The following EVI2A variants were observed in gnomAD, a reference collection of about 807,000 sequenced individuals.
EVI2A encodes protein EVI2A.
EVI2A carries 11 observed loss-of-function variants against 13.0 expected under a neutral mutation model. The observed-to-expected ratio is 0.85, with a 90% confidence interval of 0.53 to 1.40. The LOEUF (loss-of-function observed/expected upper bound fraction) is 1.40. Ranked by LOEUF, EVI2A falls within the 40% of genes most tolerant of loss-of-function variation. The pLI, the probability that EVI2A is intolerant of heterozygous loss-of-function variation, is 0.00. For missense variants in EVI2A, 267 were observed against 279.5 expected, an observed-to-expected ratio of 0.96 and a Z score of 0.32; for synonymous variants, 89 against 98.0, an observed-to-expected ratio of 0.91 and a Z score of 0.54.
chr17:31,320,241 ACTAT>A, intron 1 of EVI2A: 1 of 664,790 alleles, frequency 1.5e-6, no homozygotes, highest in Non-Finnish European at 2.3e-6. Flanking sequence ...TAAAAGCAAA[ACTAT>A]ATTGTTCTCC....
chr17:31,318,621 G>A lies in EVI2A; in HGVS notation c.393C>T (p.Asn131=). 2 of 1,614,080 alleles carry A rather than the reference G, an allele frequency of 1.2e-6. No homozygotes were observed. The highest frequency in any genetic ancestry group is 1.7e-6 in the Non-Finnish European group (2 of 1,179,980). Residue 131 remains asparagine, a synonymous_variant, in exon 2 of 2, where the codon AAC becomes AAT. Coordinates refer to ENST00000462804, the MANE Select transcript of EVI2A (RefSeq NM_014210.4). ...TTAAGCAAATTAGCATAGCCATGTT[G>A]TTGTTGTTTTCCGCACAGACATCCT... ...FKKDVCAENN[N]NMAMLICLII... is the part of the protein sequence containing the mutation.
chr17:31,320,680 T>C (rs1394260869), intron 1 of EVI2A, among the ~76,000 whole-genome samples: 1 of 152,182 alleles, frequency 6.6e-6, no homozygotes, highest in Non-Finnish European at 1.5e-5. Flanking sequence ...GATTATGACC[T>C]TTAGTAGACA....
chr17:31,318,446 G>T lies in EVI2A; in HGVS notation c.568C>A (p.Pro190Thr). ...NGDFLASGLWPAESDTWKRTK... is the reference protein window; with the variant it reads ...NGDFLASGLWTAESDTWKRTK... ...CTTTTCCAAGTGTCTGATTCAGCGG[G>T]CCATAGACCGCTTGCCAGAAAATCG... Residue 190 changes from proline (P) to threonine (T), a missense_variant, in exon 2 of 2, where the codon CCC becomes ACC. Pro to Thr is a conservative substitution (Grantham distance 38). Transcript: ENST00000462804. The T allele has an allele frequency of 6.2e-7, 1 of 1,613,986 alleles. No homozygotes were observed. Among genetic ancestry groups the T allele is most frequent in the South Asian group, 1.1e-5 (1 of 91,080 alleles).
intron 1 of EVI2A, chr17:31,320,295 C>T (rs1378144281): frequency 2.9e-5 from 35 of 1,201,032 alleles, no homozygotes; most frequent in African/African-American, 6.2e-5. Context: ...AAGAACCCTA[C>T]GTATGCTATA....
At position 31,317,403 on chromosome 17, in the gene EVI2A, A is replaced by ACACACC. The variant is rs571315603; in HGVS notation, c.*899_*900insGGTGTG. 2.9e-3 allele frequency among the ~76,000 whole-genome samples: 423 copies of ACACACC among 147,278 alleles called. 3 individuals are homozygous for ACACACC. Among genetic ancestry groups the ACACACC allele is most frequent in the African/African-American group, 0.01 (402 of 38,630 alleles). ...CACACACACACACACACACACACAC[A>ACACACC]CCCCTAATAAATCATTAGGCTACTT... On this transcript the variant is annotated 3_prime_UTR_variant, in exon 2 of 2. Transcript: ENST00000462804.
Position 31,318,480 on chromosome 17 carries a change from T to C in EVI2A, c.534A>G (p.Arg178=). ...RSKQVGKRQP[R]SNGDFLASGL... ...CGCTTGCCAGAAAATCGCCATTGCT[T>C]CTAGGCTGACGCTTGCCTACTTGTT... Residue 178 remains arginine, a synonymous_variant, in exon 2 of 2, where the codon AGA becomes AGG. Coordinates refer to ENST00000462804, the MANE Select transcript of EVI2A (RefSeq NM_014210.4). 6.2e-7 allele frequency: 1 copy of C among 1,614,058 alleles called. No homozygotes were observed. The highest frequency in any genetic ancestry group is 1.3e-5 in the African/African-American group (1 of 75,046).
At position 31,318,809 on chromosome 17, in the gene EVI2A, C is replaced by G. The variant is rs1446196064; in HGVS notation, c.205G>C (p.Asp69His). Reference sequence around the variant, plus strand: ...ATGTTTGTAGAATTACCTTTATAATCTACTTCAGGAGTTATAGGGTTTGTG... The same window carrying G: ...ATGTTTGTAGAATTACCTTTATAATGTACTTCAGGAGTTATAGGGTTTGTG... ...INTNPITPEV[D>H]YKGNSTNMPE... Residue 69 changes from aspartate to histidine, a missense_variant, in exon 2 of 2, where the codon GAT (aspartate) becomes CAT (histidine). Transcript: ENST00000462804. 6.2e-7 allele frequency: 1 copy of G among 1,613,942 alleles called. No individual in the cohort carries two copies. The highest frequency in any genetic ancestry group is 8.5e-7 in the Non-Finnish European group (1 of 1,179,936).
chr17:31,320,415 C>G, intron 1 of EVI2A: 1 of 1,609,614 alleles, frequency 6.2e-7, no homozygotes, highest in South Asian at 1.1e-5. Flanking sequence ...GTTTCCAAAC[C>G]AACTCCTAAG....
At chr17:31,320,368 C>A in intron 1 of EVI2A, 1 of 1,549,626 alleles carries the variant, frequency 6.5e-7, no homozygotes. Flanking sequence ...AAGGCAGATT[C>A]TTACCTAGCT....
At position 31,318,013 on chromosome 17, in the gene EVI2A, T is replaced by G. The variant is rs1000922625; in HGVS notation, c.*290A>C. 1.8e-5 allele frequency: 6 copies of G among 325,938 alleles called. No homozygotes were observed. Among genetic ancestry groups the G allele is most frequent in the Non-Finnish European group, 2.8e-5 (5 of 178,450 alleles). 20.2% of individuals were successfully genotyped at this position (325,938 alleles called of 1,614,324 possible). ...TGCTACATAGGGAATATTTATTTAA[T>G]TATCCCTTGCTATCTCTATTAATCA... On this transcript the variant is annotated 3_prime_UTR_variant, in exon 2 of 2. Coordinates refer to ENST00000462804, the MANE Select transcript of EVI2A (RefSeq NM_014210.4).
At chr17:31,320,636 CTA>C (rs919579817) in intron 1 of EVI2A, 45 of 449,442 alleles carry the variant, frequency 1.0e-4, no homozygotes, top group African/African-American at 8.0e-4. Context: ...GGAGGAAAAA[CTA>C]TTAAATATTC....
In EVI2A at chr17:31,318,317, TGTTA is replaced by T. The variant is rs781617241; in HGVS notation, c.693_696del (p.Lys233ArgfsTer2). ...ATTTTTCTTCACTAACCTATCTGTT[TGTTA>T]GTAAGTTTTTCAGTTCCTTCTTCAT... is the stretch of plus-strand genomic sequence containing the variant. On this transcript the variant is annotated frameshift_variant, in exon 2 of 2. Transcript: ENST00000462804. LOFTEE classifies it high-confidence loss of function. 3.7e-5 allele frequency: 59 copies of T among 1,608,076 alleles called. No homozygotes were observed. Among genetic ancestry groups the T allele is most frequent in the Non-Finnish European group, 4.8e-5 (57 of 1,178,234 alleles).
chr17:31,320,474 A>G (rs752736007), intron 1 of EVI2A: 14 of 1,565,374 alleles, frequency 8.9e-6, no homozygotes, highest in Non-Finnish European at 1.2e-5. Flanking sequence ...AAGGTTTTAT[A>G]AGAAATGGTT....
chr17:31,320,464 A>T, intron 1 of EVI2A: 1 of 1,586,988 alleles, frequency 6.3e-7, no homozygotes, highest in Non-Finnish European at 8.6e-7. Flanking sequence ...TTTGAACATC[A>T]AGGTTTTATA....
rs374087978 is a variant in EVI2A, at chr17:31,318,866, T to G, written c.148A>C (p.Lys50Gln). ...TTTTCATTTTGGTTTCTGCCTGTCT[T>G]GTTTTGAATAACTGAATCCCAGGAA... ...TSSWDSVIQN[K>Q]TGRNQNENIN... Residue 50 changes from lysine (K) to glutamine (Q), a missense_variant, in exon 2 of 2, where the codon AAG becomes CAG. By Grantham distance (53) the Lys-to-Gln change is moderately conservative. Transcript: ENST00000462804. 4.3e-6 allele frequency: 7 copies of G among 1,613,978 alleles called. No individual in the cohort carries two copies. The African/African-American group carries it at 8.0e-5, about 18-fold the overall frequency.
rs1408803516 is a variant in EVI2A at position 31,317,112 on chromosome 17, TA to T, written c.*1190del. Reference sequence around the variant, plus strand: ...GTAGTCATACTTGGGAAAAAACATATAAAAAATATTTTTAAAATGGTTACTA... The same window carrying T: ...GTAGTCATACTTGGGAAAAAACATATAAAAATATTTTTAAAATGGTTACTA... On this transcript the variant is annotated 3_prime_UTR_variant, in exon 2 of 2. Coordinates refer to ENST00000462804, the MANE Select transcript of EVI2A (RefSeq NM_014210.4). Among the ~76,000 whole-genome samples, 6 of 152,086 alleles carry T rather than the reference TA, an allele frequency of 3.9e-5. No homozygotes were observed. Among genetic ancestry groups the T allele is most frequent in the Admixed American group, 1.3e-4 (2 of 15,242 alleles).
In EVI2A at chr17:31,318,697, G is replaced by A; in HGVS notation, c.317C>T (p.Thr106Ile). ...IPSVVSNSPS[T>I]VQSIENTSKS... is the part of the protein sequence containing the mutation. ...GCTTGTGTTTTCAATGCTCTGTACTGTTGAAGGACTGTTGCTGACGACAGA... is the reference window on the plus strand; with the variant it reads ...GCTTGTGTTTTCAATGCTCTGTACTATTGAAGGACTGTTGCTGACGACAGA... Residue 106 changes from threonine (T) to isoleucine (I), a missense_variant, in exon 2 of 2, where the codon ACA becomes ATA. Coordinates refer to ENST00000462804, the MANE Select transcript of EVI2A (RefSeq NM_014210.4). 6.2e-7 allele frequency: 1 copy of A among 1,614,104 alleles called. No homozygotes were observed. The highest frequency in any genetic ancestry group is 8.5e-7 in the Non-Finnish European group (1 of 1,179,994).
intron 1 of EVI2A, among the ~76,000 whole-genome samples, chr17:31,321,268 C>T (rs2069182215): frequency 6.6e-6 from 1 of 152,108 alleles, no homozygotes; most frequent in African/African-American, 2.4e-5. Context: ...GGAAACCAAA[C>T]TTAGATCCTT....
chr17:31,320,625 G>A lies in EVI2A; in HGVS notation c.-11+870C>T, dbSNP rs1371570678. On this transcript the variant is annotated intron_variant, in intron 1 of 1. Transcript: ENST00000462804. Reference sequence around the variant, plus strand: ...GAGACTATATTTCATATTAATAGTAGGGAGGAAAAACTATTAAATATTCCA... The same window carrying A: ...GAGACTATATTTCATATTAATAGTAAGGAGGAAAAACTATTAAATATTCCA... 6.4e-6 allele frequency: 3 copies of A among 467,040 alleles called. No individual in the cohort carries two copies. In the East Asian group the frequency reaches 9.4e-5, roughly 15 times the overall value. The allele number at this position is 467,040 out of a possible 1,614,324, so 28.9% of individuals were successfully genotyped here. A position where few individuals can be genotyped will look rare whatever the true frequency, so the allele number is the denominator to read the frequency against.
Sources: gnomAD v4.1 joint callset for allele counts (sites outside exome capture counted in the v4.1 genomes callset) on GRCh38, gnomAD v4.1.1 for gene constraint, MANE v1.5 for transcripts, NCBI Gene and HGNC (gene_info 2026-07-23, HGNC 2026-07-21) for gene names.